The following LTBP1 variants were observed in gnomAD, a reference collection of about 807,000 sequenced individuals.
LTBP1 encodes the protein latent transforming growth factor beta binding protein 1.
In LTBP1, 129 loss-of-function variants were observed where a neutral mutation model predicts 207.6. That is an observed-to-expected ratio of 0.62 (90% CI 0.54 to 0.72). The LOEUF is 0.72. Among genes scored for constraint, LTBP1 ranks in the 30% least tolerant of loss-of-function variants. The pLI is 0.00. For missense variants in LTBP1, 2,281 were observed against 2,217.2 expected, an observed-to-expected ratio of 1.03 and a Z score of -0.58; for synonymous variants, 963 against 833.7, an observed-to-expected ratio of 1.16 and a Z score of -2.67.
At chr2:33,208,726 A>G (rs934142642) in intron 7 of LTBP1, among the ~76,000 whole-genome samples, 1 of 152,180 alleles carries the variant, frequency 6.6e-6, no homozygotes, top group Non-Finnish European at 1.5e-5. Flanking sequence ...TTAAATGAGT[A>G]TTAGCAAGTA....
At chr2:33,222,852 GA>G (rs2091200514) in intron 9 of LTBP1, among the ~76,000 whole-genome samples, 2 of 152,290 alleles carry the variant, frequency 1.3e-5, no homozygotes, top group South Asian at 4.1e-4. Flanking sequence ...ACCCATATAT[GA>G]TATCATATTT....
intron 31 of LTBP1, among the ~76,000 whole-genome samples, chr2:33,376,951 T>G (rs1013642383): frequency 1.3e-5 from 2 of 151,946 alleles, no homozygotes; most frequent in Admixed American, 6.6e-5. Context: ...CTAAATTGTG[T>G]GTTTTTAAAA....
intron 13 of LTBP1, 24 bp from the exon 14 acceptor site, chr2:33,262,698 C>A: frequency 2.5e-6 from 3 of 1,209,790 alleles, no homozygotes; most frequent in Non-Finnish European, 3.5e-6. Context: ...TTTTCTTATT[C>A]TCTTTTAAAA....
intron 2 of LTBP1, among the ~76,000 whole-genome samples, chr2:33,002,359 T>G (rs1208501710): frequency 6.6e-6 from 1 of 152,112 alleles, no homozygotes; most frequent in African/African-American, 2.4e-5. Context: ...AAAATGTTTG[T>G]GTTATGTTGG....
At chr2:32,957,508 A>C (rs1183784155) in intron 2 of LTBP1, among the ~76,000 whole-genome samples, 1 of 152,198 alleles carries the variant, frequency 6.6e-6, no homozygotes, top group Non-Finnish European at 1.5e-5. Flanking sequence ...CAGAACACAC[A>C]CAACATTTCT....
chr2:33,134,349 C>T lies in LTBP1; in HGVS notation c.1034-444C>T. 2.2e-6 allele frequency: 1 copy of T among 457,702 alleles called. No individual in the cohort carries two copies. The allele number at this position is 457,702 out of a possible 1,614,324, so 28.4% of individuals were successfully genotyped here. On this transcript the variant is annotated intron_variant, in intron 4 of 33. Transcript: ENST00000404816. This position sits in a 1 kb window ranked among gnomAD's most constrained non-coding sequence, Gnocchi z 4.4. ...AATAGTGACTTAATAAGTGGAGAAA[C>T]AGGGAAAGTATGCAAGTTGAGGACA...
chr2:32,962,812 G>A (rs778692010), intron 2 of LTBP1, among the ~76,000 whole-genome samples: 81 of 152,342 alleles, frequency 5.3e-4, no homozygotes, highest in Admixed American at 1.0e-3. Context: ...CGTCAGCTCC[G>A]CCTGGGAACT....
intron 5 of LTBP1, among the ~76,000 whole-genome samples, chr2:33,155,620 A>G (rs2083912565): frequency 1.3e-5 from 2 of 152,020 alleles, no homozygotes; most frequent in Non-Finnish European, 2.9e-5. Context: ...CACCACCACC[A>G]AGAAGTCTCT....
At chr2:33,243,569 A>G in intron 9 of LTBP1, 93 bp from the exon 10 acceptor site, 1 of 1,130,522 alleles carries the variant, frequency 8.8e-7, no homozygotes, top group South Asian at 1.5e-5. Flanking sequence ...CTAAAAGATT[A>G]CTATAGTGAA....
At chr2:33,141,406 G>A (rs1340368846) in intron 5 of LTBP1, among the ~76,000 whole-genome samples, 2 of 152,048 alleles carry the variant, frequency 1.3e-5, no homozygotes, top group African/African-American at 4.8e-5. Flanking sequence ...CAGCACTTAA[G>A]AATAGTAAAG....
At chr2:32,971,795 A>C (rs540830526) in intron 2 of LTBP1, among the ~76,000 whole-genome samples, 1 of 152,120 alleles carries the variant, frequency 6.6e-6, no homozygotes, top group Non-Finnish European at 1.5e-5. Flanking sequence ...AAGTTTTGGG[A>C]TCAGAATGAT....
intron 2 of LTBP1, among the ~76,000 whole-genome samples, chr2:32,974,190 G>C (rs144942363): frequency 1.1e-3 from 170 of 152,316 alleles, no homozygotes; most frequent in African/African-American, 3.9e-3. Flanking sequence ...GTTCTCCATA[G>C]TGTTGTGCTA....
At chr2:33,353,399 C>G (rs770057264) in intron 26 of LTBP1, among the ~76,000 whole-genome samples, 1 of 152,182 alleles carries the variant, frequency 6.6e-6, no homozygotes, top group Non-Finnish European at 1.5e-5. Flanking sequence ...CCTCTCTGCT[C>G]TCAACACGCC....
intron 7 of LTBP1, among the ~76,000 whole-genome samples, chr2:33,200,788 C>T (rs188654518): frequency 0.082 from 12,244 of 149,878 alleles, 1,058 homozygotes; most frequent in African/African-American, 0.23. Flanking sequence ...AAGAAAAAAA[C>T]AAACAACCCC....
chr2:33,259,179 A>G (rs1327594118), intron 12 of LTBP1, among the ~76,000 whole-genome samples: 2 of 152,252 alleles, frequency 1.3e-5, no homozygotes, highest in African/African-American at 4.8e-5. Context: ...ACTTGACACC[A>G]GAAAGCATTT....
At chr2:33,080,266 G>T (rs1356581926) in intron 3 of LTBP1, among the ~76,000 whole-genome samples, 1 of 152,144 alleles carries the variant, frequency 6.6e-6, no homozygotes, top group East Asian at 1.9e-4. Flanking sequence ...GACCTCAAGT[G>T]ATCTGCCTGC....
At chr2:33,147,494 T>C (rs1292091461) in intron 5 of LTBP1, among the ~76,000 whole-genome samples, 1 of 152,256 alleles carries the variant, frequency 6.6e-6, no homozygotes, top group Non-Finnish European at 1.5e-5. Flanking sequence ...GATAAAGCTA[T>C]GTCATCAATT....
In LTBP1 at chr2:32,947,678, C is replaced by A; in HGVS notation, c.354C>A (p.Leu118=). 6.7e-7 allele frequency: 1 copy of A among 1,485,570 alleles called. No homozygotes were observed. The highest frequency in any genetic ancestry group is 1.3e-5 in the South Asian group (1 of 77,744). 92.0% of individuals were successfully genotyped at this position (1,485,570 alleles called of 1,614,324 possible). ...GTCCCGCGGTCCCCGGCGGGCAGCTCCACCCCAATCCCGGCGGCCACCCGG... is the reference window on the plus strand; with the variant it reads ...GTCCCGCGGTCCCCGGCGGGCAGCTACACCCCAATCCCGGCGGCCACCCGG... The part of the protein sequence containing the change: ...PARPAVPGGQ[L]HPNPGGHPAA... Residue 118 remains leucine, a synonymous_variant, in exon 1 of 34, where the codon CTC becomes CTA. Coordinates refer to ENST00000404816, the MANE Select transcript of LTBP1 (RefSeq NM_206943.4).
rs191013178 is a variant in LTBP1 at position 33,160,900 on chromosome 2, C to T, written c.1201+25940C>T. Among the ~76,000 whole-genome samples the T allele has an allele frequency of 1.3e-3, 203 of 152,268 alleles. No homozygotes were observed. The Middle Eastern group carries it at 0.02, about 15-fold the overall frequency. The stretch of plus-strand genomic sequence containing the variant: ...AGAGGAGAGGAGAGTGCAGCACCTA[C>T]CCTATAGGTGCTGCTGTCATGGTTG... On this transcript the variant is annotated intron_variant, in intron 5 of 33. Coordinates refer to ENST00000404816, the MANE Select transcript of LTBP1 (RefSeq NM_206943.4).
Sources: gnomAD v4.1 joint callset for allele counts (sites outside exome capture counted in the v4.1 genomes callset) on GRCh38, gnomAD v4.1.1 for gene constraint, Gnocchi (gnomAD v3.1) non-coding constraint, MANE v1.5 for transcripts, NCBI Gene and HGNC (gene_info 2026-07-23, HGNC 2026-07-21) for gene names.